Variants in NCOA2 observed in about 807,000 individuals in gnomAD.
The protein encoded by NCOA2 is nuclear receptor coactivator 2, also known as class E basic helix-loop-helix protein 75.
A neutral mutation model predicts 145.1 loss-of-function variants in NCOA2; 21 were observed. That is an observed-to-expected ratio of 0.14 (90% confidence interval 0.10 to 0.21). NCOA2 has a LOEUF of 0.21. Ranked by LOEUF, NCOA2 falls within the 10% of genes least tolerant of loss-of-function variation. The pLI is 1.00. For missense variants in NCOA2, 1,472 were observed against 1,837.6 expected, an observed-to-expected ratio of 0.80 and a Z score of 3.64; for synonymous variants, 619 against 637.5, an observed-to-expected ratio of 0.97 and a Z score of 0.44.
Position 70,113,261 on chromosome 8 carries a change from C to T in NCOA2, c.*371G>A, listed in dbSNP as rs1340655712. 4 of 283,922 alleles carry T rather than the reference C, an allele frequency of 1.4e-5. No homozygotes were observed. Among genetic ancestry groups the T allele is most frequent in the Non-Finnish European group, 2.6e-5 (4 of 152,458 alleles). 17.6% of individuals were successfully genotyped at this position (283,922 alleles called of 1,614,324 possible). A position where few individuals can be genotyped will look rare whatever the true frequency, so the allele number is the denominator to read the frequency against. ...AAAGCAAGAAACCAGTGTCTGGAACCGAACAGGAACAGAACAAGAGCATGG... is the reference window on the plus strand; with the variant it reads ...AAAGCAAGAAACCAGTGTCTGGAACTGAACAGGAACAGAACAAGAGCATGG... On this transcript the variant is annotated 3_prime_UTR_variant, in exon 23 of 23. Transcript: ENST00000452400.
chr8:70,416,994 G>A, the NCOA2 span, among the ~76,000 whole-genome samples: 1 of 151,898 alleles, frequency 6.6e-6, no homozygotes, highest in Non-Finnish European at 1.5e-5. Context: ...GGATATGGGA[G>A]GAAAGGAAAG....
Position 70,174,839 on chromosome 8 carries a change from T to C in NCOA2, c.280A>G (p.Ile94Val). ...KEQEKAAAAN[I>V]DEVQKSDVSS... is the part of the protein sequence containing the mutation. ...ACATCTGACTTCTGCACTTCATCTATGTTGGCAGCTGCTGCTTTCTCTGCA... is the reference window on the plus strand; with the variant it reads ...ACATCTGACTTCTGCACTTCATCTACGTTGGCAGCTGCTGCTTTCTCTGCA... The change falls in exon 5 of 23, where the codon ATA becomes GTA. Residue 94 changes from isoleucine (I) to valine (V), a missense_variant. By Grantham distance (29) the Ile-to-Val change is conservative. Transcript: ENST00000452400. The C allele has an allele frequency of 2.5e-6, 4 of 1,613,614 alleles. No homozygotes were observed. The highest frequency in any genetic ancestry group is 3.4e-6 in the Non-Finnish European group (4 of 1,179,678).
chr8:70,140,466 A>G (rs540477421), intron 14 of NCOA2, among the ~76,000 whole-genome samples: 95 of 151,582 alleles, frequency 6.3e-4, no homozygotes, highest in Non-Finnish European at 1.2e-3. Flanking sequence ...AGACCTTGCA[A>G]CCTTCAGTGA....
intron 4 of NCOA2, among the ~76,000 whole-genome samples, chr8:70,185,226 A>G (rs1815925709): frequency 6.6e-6 from 1 of 152,158 alleles, no homozygotes; most frequent in African/African-American, 2.4e-5. Flanking sequence ...CAGTTCTCTC[A>G]TTCTAGCATT....
At chr8:70,267,378 T>C (rs1302621882) in intron 2 of NCOA2, among the ~76,000 whole-genome samples, 2 of 149,408 alleles carry the variant, frequency 1.3e-5, no homozygotes. Context: ...CTAATAAAGA[T>C]CTGTTTCCTT....
intron 2 of NCOA2, among the ~76,000 whole-genome samples, chr8:70,286,565 A>T (rs771708786): frequency 5.3e-5 from 8 of 152,238 alleles, no homozygotes; most frequent in Non-Finnish European, 8.8e-5. Flanking sequence ...CTCAAACACT[A>T]AAAACATATT....
At chr8:70,430,748 GAC>G in the NCOA2 span, among the ~76,000 whole-genome samples, 1 of 152,208 alleles carries the variant, frequency 6.6e-6, no homozygotes, top group African/African-American at 2.4e-5. Flanking sequence ...TGAGGAGGAA[GAC>G]ACACAGGTCA....
chr8:70,259,501 T>C (rs544874429), intron 2 of NCOA2, among the ~76,000 whole-genome samples: 2 of 152,342 alleles, frequency 1.3e-5, no homozygotes, highest in African/African-American at 4.8e-5. Flanking sequence ...TATTTTGTTA[T>C]ACTTCAATAA....
upstream of NCOA2, among the ~76,000 whole-genome samples, chr8:70,405,745 C>T (rs1814759197): frequency 6.6e-6 from 1 of 152,034 alleles, no homozygotes; most frequent in African/African-American, 2.4e-5. Flanking sequence ...GGCAGAAGTC[C>T]AGAGTCTATC....
rs867735917 is a variant in NCOA2, at chr8:70,159,513, C to A, written c.1116G>T (p.Met372Ile). 1 of 1,603,982 alleles carries A rather than the reference C, an allele frequency of 6.2e-7. No individual in the cohort carries two copies. Among genetic ancestry groups the A allele is most frequent in the Non-Finnish European group, 8.5e-7 (1 of 1,172,162 alleles). Residue 372 changes from methionine (M) to isoleucine (I), a missense_variant, in exon 10 of 23, where the codon ATG becomes ATT. Transcript: ENST00000452400. The stretch of plus-strand genomic sequence containing the variant: ...CTTAGAACTAGGATTACCTGTGAAG[C>A]ATATGTAAAGATATTACAAGTTGAG... ...NEPQLVISLHMLHREQNVCVM... is the reference protein window; with the variant it reads ...NEPQLVISLHILHREQNVCVM...
At chr8:70,189,366 C>A (rs532511785) in intron 4 of NCOA2, among the ~76,000 whole-genome samples, 15 of 152,314 alleles carry the variant, frequency 9.8e-5, no homozygotes, top group Non-Finnish European at 1.8e-4. Context: ...TTTACTGTAT[C>A]ATATAAATCG....
At chr8:70,326,554 A>G (rs902693250) in intron 1 of NCOA2, among the ~76,000 whole-genome samples, 3 of 152,128 alleles carry the variant, frequency 2.0e-5, no homozygotes, top group East Asian at 1.9e-4. Context: ...CATAAAATAT[A>G]AAACAAGGGG....
chr8:70,114,411 G>A (rs1585688810), intron 22 of NCOA2, among the ~76,000 whole-genome samples: 1 of 152,220 alleles, frequency 6.6e-6, no homozygotes, highest in East Asian at 1.9e-4. Context: ...AGCAAATTAT[G>A]TGGCGTTGTT....
chr8:70,211,739 A>G (rs1177426491), intron 4 of NCOA2, among the ~76,000 whole-genome samples: 1 of 152,214 alleles, frequency 6.6e-6, no homozygotes. Flanking sequence ...ATTATTAAAC[A>G]AAGACTATTC....
At chr8:70,268,873 G>GC in intron 2 of NCOA2, among the ~76,000 whole-genome samples, 1 of 152,120 alleles carries the variant, frequency 6.6e-6, no homozygotes, top group Non-Finnish European at 1.5e-5. Flanking sequence ...TATCATTTTG[G>GC]TTAGTAGGCT....
chr8:70,216,589 TA>T, intron 3 of NCOA2, 70 bp downstream of exon 3: 1 of 1,271,876 alleles, frequency 7.9e-7, no homozygotes, highest in Non-Finnish European at 1.1e-6. Flanking sequence ...AAATCAATGC[TA>T]AAATAACAAA....
At chr8:70,189,042 CTCT>C (rs1206253121) in intron 4 of NCOA2, among the ~76,000 whole-genome samples, 1 of 152,122 alleles carries the variant, frequency 6.6e-6, no homozygotes, top group East Asian at 1.9e-4. Flanking sequence ...GATTTTCTTT[CTCT>C]TCTTTTCTTT....
chr8:70,162,380 A>G (rs1813127446), intron 9 of NCOA2, among the ~76,000 whole-genome samples: 1 of 152,160 alleles, frequency 6.6e-6, no homozygotes, highest in African/African-American at 2.4e-5. Context: ...TTACTCTTAT[A>G]TTCAGATTCT....
At chr8:70,265,977 CA>C (rs1824547833) in intron 2 of NCOA2, among the ~76,000 whole-genome samples, 1 of 151,838 alleles carries the variant, frequency 6.6e-6, no homozygotes, top group Non-Finnish European at 1.5e-5. Flanking sequence ...GTCTCTAATA[CA>C]AAAATCTCTA....
Sources: allele counts gnomAD v4.1 joint callset (sites outside exome capture counted in the v4.1 genomes callset), GRCh38; gene constraint gnomAD v4.1.1; transcripts MANE v1.5; gene names NCBI Gene and HGNC (gene_info 2026-07-23, HGNC 2026-07-21).